The following ADAMTSL1 variants were observed in gnomAD, a reference collection of about 807,000 sequenced individuals.
The protein encoded by ADAMTSL1 is ADAMTS-like protein 1.
In ADAMTSL1, 126 loss-of-function variants were observed where a neutral mutation model predicts 201.8. The observed-to-expected ratio is 0.62, with a 90% CI of 0.54 to 0.72. The LOEUF is 0.72. Ranked by LOEUF, ADAMTSL1 falls within the 30% of genes least tolerant of loss-of-function variation. The probability of loss-of-function intolerance (pLI) is 0.00; values close to 1 mark genes in which losing one functional copy is unlikely to be tolerated. For missense variants in ADAMTSL1, 2,679 were observed against 2,277.8 expected, an observed-to-expected ratio of 1.18 and a Z score of -3.59; for synonymous variants, 1,121 against 903.4, an observed-to-expected ratio of 1.24 and a Z score of -4.32.
intron 1 of ADAMTSL1, among the ~76,000 whole-genome samples, chr9:18,067,759 A>C (rs1822774090): frequency 6.6e-6 from 1 of 152,154 alleles, no homozygotes; most frequent in Non-Finnish European, 1.5e-5. Flanking sequence ...AAAGCTTGTA[A>C]AATAAGATCT....
chr9:18,043,209 C>G (rs1010667564), intron 1 of ADAMTSL1, among the ~76,000 whole-genome samples: 25 of 152,180 alleles, frequency 1.6e-4, no homozygotes, highest in African/African-American at 5.5e-4. Context: ...GCAGGGAGAT[C>G]TGTGTGTGTT....
chr9:18,743,707 C>T (rs1277797833), intron 15 of ADAMTSL1, among the ~76,000 whole-genome samples: 8 of 152,238 alleles, frequency 5.3e-5, no homozygotes, highest in African/African-American at 1.7e-4. Context: ...AGACAGCCCC[C>T]GATTCTCATG....
intron 1 of ADAMTSL1, among the ~76,000 whole-genome samples, chr9:18,133,688 C>T (rs920851779): frequency 6.6e-6 from 1 of 152,126 alleles, no homozygotes; most frequent in Admixed American, 6.6e-5. Context: ...GGCTTCAGAA[C>T]CCAAATTCTG....
chr9:18,002,690 A>T (rs557176578), intron 1 of ADAMTSL1, among the ~76,000 whole-genome samples: 1 of 152,200 alleles, frequency 6.6e-6, no homozygotes, highest in East Asian at 1.9e-4. Flanking sequence ...GAATTAATTC[A>T]TATAATACAC....
intron 4 of ADAMTSL1, among the ~76,000 whole-genome samples, chr9:18,620,368 T>A (rs909507538): frequency 2.0e-5 from 3 of 152,196 alleles, no homozygotes; most frequent in Non-Finnish European, 2.9e-5. Context: ...GACCCATAGA[T>A]GCTGAAATTC....
At chr9:18,263,879 T>C (rs1188635271) in intron 2 of ADAMTSL1, among the ~76,000 whole-genome samples, 1 of 152,128 alleles carries the variant, frequency 6.6e-6, no homozygotes, top group Non-Finnish European at 1.5e-5. Context: ...AATCGGTGAC[T>C]CCTTGATCAT....
chr9:18,594,826 T>G (rs1465730680), intron 4 of ADAMTSL1, among the ~76,000 whole-genome samples: 1 of 152,108 alleles, frequency 6.6e-6, no homozygotes, highest in African/African-American at 2.4e-5. Context: ...TCTTGTCTGT[T>G]TGGTGCAGCC....
At chr9:18,626,839 T>TACTGTCTTTTTCTTTC (rs1554717999) in intron 5 of ADAMTSL1, among the ~76,000 whole-genome samples, 7 of 133,364 alleles carry the variant, frequency 5.2e-5, no homozygotes, top group African/African-American at 2.0e-4. Context: ...CTTACTTTCT[T>TACTGTCTTTTTCTTTC]TTTCTTTCTT....
intron 6 of ADAMTSL1, among the ~76,000 whole-genome samples, chr9:18,638,555 T>C (rs1827246315): frequency 6.6e-6 from 1 of 152,124 alleles, no homozygotes; most frequent in Non-Finnish European, 1.5e-5. Context: ...CAACAAAACA[T>C]GCTTCATAGG....
chr9:18,429,140 C>T (rs1055306974), intron 2 of ADAMTSL1, among the ~76,000 whole-genome samples: 2 of 151,932 alleles, frequency 1.3e-5, no homozygotes, highest in African/African-American at 4.8e-5. Flanking sequence ...TATACATACA[C>T]GTATGTGAAT....
At chr9:18,109,314 A>C (rs1824901037) in intron 1 of ADAMTSL1, among the ~76,000 whole-genome samples, 1 of 152,110 alleles carries the variant, frequency 6.6e-6, no homozygotes, top group African/African-American at 2.4e-5. Context: ...CCTCGGAAGG[A>C]CCCAGGTGTT....
intron 23 of ADAMTSL1, among the ~76,000 whole-genome samples, chr9:18,833,055 A>G (rs17233198): frequency 0.087 from 13,235 of 152,220 alleles, 798 homozygotes; most frequent in East Asian, 0.22. Context: ...ACACCCTGGT[A>G]TTGATTTCAC....
At chr9:18,567,644 C>G (rs1209174432) in intron 3 of ADAMTSL1, among the ~76,000 whole-genome samples, 2 of 152,036 alleles carry the variant, frequency 1.3e-5, no homozygotes, top group African/African-American at 4.8e-5. Context: ...TAGTCCCCCC[C>G]TTATTCTCAG....
At chr9:18,212,371 T>G (rs1829910525) in intron 2 of ADAMTSL1, among the ~76,000 whole-genome samples, 1 of 152,188 alleles carries the variant, frequency 6.6e-6, no homozygotes, top group South Asian at 2.1e-4. Context: ...TCCATAATTT[T>G]AAACACTGAA....
chr9:18,022,087 C>T (rs1820500790), intron 1 of ADAMTSL1, among the ~76,000 whole-genome samples: 1 of 152,082 alleles, frequency 6.6e-6, no homozygotes, highest in Non-Finnish European at 1.5e-5. Context: ...TTTTGCTCTC[C>T]TAATACTCAG....
upstream of ADAMTSL1, among the ~76,000 whole-genome samples, chr9:18,472,298 T>A (rs1821246477): frequency 6.6e-6 from 1 of 152,254 alleles, no homozygotes; most frequent in Non-Finnish European, 1.5e-5. Flanking sequence ...AAGACAAAGT[T>A]AAGCATTTTT....
intron 2 of ADAMTSL1, among the ~76,000 whole-genome samples, chr9:18,246,521 A>T (rs532615878): frequency 3.1e-4 from 47 of 152,294 alleles, no homozygotes; most frequent in Admixed American, 1.4e-3. Flanking sequence ...TTATTTGTTG[A>T]GTATTTACCT....
intron 1 of ADAMTSL1, among the ~76,000 whole-genome samples, chr9:18,147,378 G>A (rs1440039282): frequency 6.6e-6 from 1 of 152,084 alleles, no homozygotes; most frequent in Non-Finnish European, 1.5e-5. Flanking sequence ...TAAGAAAGAC[G>A]TTGGTAGGTG....
intron 14 of ADAMTSL1, chr9:18,718,459 A>G: frequency 1.6e-6 from 1 of 606,456 alleles, no homozygotes; most frequent in South Asian, 1.4e-5. Flanking sequence ...TTCCTTGAAC[A>G]AATTGTACAT....
Sources: allele counts gnomAD v4.1 joint callset (sites outside exome capture counted in the v4.1 genomes callset), GRCh38; gene constraint gnomAD v4.1.1; transcripts MANE v1.5; gene names NCBI Gene and HGNC (gene_info 2026-07-23, HGNC 2026-07-21).